DACT1: variants seen among roughly 807,000 people sequenced by gnomAD.
The protein encoded by DACT1 is dapper homolog 1.
Under a neutral mutation model 35.3 loss-of-function variants are expected in DACT1, and 19 were observed. The observed-to-expected ratio is 0.54, with a 90% CI of 0.38 to 0.79. The LOEUF is 0.79. DACT1 is among the 30% of genes least tolerant of loss of function. The pLI is 0.00. For missense variants in DACT1, 1,143 were observed against 1,057.5 expected, an observed-to-expected ratio of 1.08 and a Z score of -1.12; for synonymous variants, 545 against 466.7, an observed-to-expected ratio of 1.17 and a Z score of -2.16.
At position 58,638,471 on chromosome 14, in the gene DACT1, TG is replaced by T. The variant is rs2140211236; in HGVS notation, c.274del (p.Glu92ArgfsTer20). 7.4e-7 allele frequency: 1 copy of T among 1,357,974 alleles called. No homozygotes were observed. The allele number at this position is 1,357,974 out of a possible 1,614,324, so 84.1% of individuals were successfully genotyped here. ...GCTGCGCCCCGCGCTGGGGAGCTAC[TG>T]GGGGAGGCGGCGCAGCGCAGTCGCC... ...GAAAPRAGEL[L>X]GEAAQRSRLE... On this transcript the variant is annotated frameshift_variant, in exon 1 of 4. Transcript: ENST00000395153. LOFTEE classifies it high-confidence loss of function.
rs1038272750 is a variant in DACT1 at position 58,647,219 on chromosome 14, G to A, written c.*85G>A. ...TTAAAAAGGTGGTGTTTTCATTTTT[G>A]TATAATACTTTAATGGAATGCTTTT... On this transcript the variant is annotated 3_prime_UTR_variant, in exon 4 of 4. Coordinates refer to ENST00000395153, the MANE Select transcript of DACT1 (RefSeq NM_001079520.2). 6.2e-6 allele frequency: 9 copies of A among 1,459,554 alleles called. No homozygotes were observed. The African/African-American group carries it at 8.6e-5, about 14-fold the overall frequency. The allele number at this position is 1,459,554 out of a possible 1,614,324, so 90.4% of individuals were successfully genotyped here.
rs1192106897 is a variant in DACT1, at chr14:58,646,001, TCGCAAGAAC to T, written c.1268_1276del (p.Ser423_His426delinsTyr). The T allele has an allele frequency of 1.2e-6, 2 of 1,614,028 alleles. No homozygotes were observed. Among genetic ancestry groups the T allele is most frequent in the Non-Finnish European group, 1.7e-6 (2 of 1,180,016 alleles). On this transcript the variant is annotated inframe_deletion, in exon 4 of 4. Coordinates refer to ENST00000395153, the MANE Select transcript of DACT1 (RefSeq NM_001079520.2). ...CCTGCCAAAAACGGCCAAGCCAGCC[TCGCAAGAAC>T]ATGCTCGGTGTTCCGCCATTGGGAC...
At position 58,638,410 on chromosome 14, in the gene DACT1, A is replaced by T. The variant is rs2140211106; in HGVS notation, c.208A>T (p.Arg70Trp). 1 of 1,305,526 alleles carries T rather than the reference A, an allele frequency of 7.7e-7. No individual in the cohort carries two copies. Among genetic ancestry groups the T allele is most frequent in the African/African-American group, 1.5e-5 (1 of 65,470 alleles). 80.9% of individuals were successfully genotyped at this position (1,305,526 alleles called of 1,614,324 possible). ...GCGCCAGCGCCAAGAGCTGCTGGTC[A>T]GGGGCGCCCTGCGCGGCGCCGGGGG... ...YLRQRQELLV[R>W]GALRGAGGAG... Residue 70 changes from arginine (R) to tryptophan (W), a missense_variant, in exon 1 of 4, where the codon AGG (arginine) becomes TGG (tryptophan). This residue lies in a region of DACT1 where 1,054 missense variants were observed against 958.8 expected (regional missense o/e 1.10). Coordinates refer to ENST00000395153, the MANE Select transcript of DACT1 (RefSeq NM_001079520.2).
intron 1 of DACT1, 27 bp downstream of exon 1, chr14:58,638,574 G>C (rs1437500255): frequency 4.5e-6 from 6 of 1,320,268 alleles, no homozygotes; most frequent in Non-Finnish European, 4.9e-6. Context: ...GGTGGAGCAC[G>C]GCTGTTCCTG....
Position 58,646,058 on chromosome 14 carries a change from G to T in DACT1, c.1324G>T (p.Ala442Ser), listed in dbSNP as rs2047675998. 3 of 1,613,832 alleles carry T rather than the reference G, an allele frequency of 1.9e-6. No individual in the cohort carries two copies. Among genetic ancestry groups the T allele is most frequent in the Admixed American group, 3.3e-5 (2 of 59,994 alleles). The change falls in exon 4 of 4, where the codon GCT (alanine) becomes TCT (serine). Residue 442 changes from alanine to serine, a missense_variant. Ala to Ser is a moderately conservative substitution (Grantham distance 99). This residue lies in a region of DACT1 where 1,054 missense variants were observed against 958.8 expected (regional missense o/e 1.10). Transcript: ENST00000395153. The stretch of plus-strand genomic sequence containing the variant: ...GACAGGGGAGTCCCCTAAGGAAAGC[G>T]CTCAGCTCTCAGGGGCCTCTCCAAA... ...IGTGESPKES[A>S]QLSGASPKES...
At chr14:58,643,293 G>A (rs873483) in intron 3 of DACT1, among the ~76,000 whole-genome samples, 10,970 of 152,248 alleles carry the variant, frequency 0.072, 505 homozygotes, top group Non-Finnish European at 0.1. Context: ...CCTTAGTCCT[G>A]TTACATTGTG....
rs867054196 is a variant in DACT1, at chr14:58,645,706, C to T, written c.972C>T (p.Ser324=). The T allele has an allele frequency of 7.4e-6, 12 of 1,614,112 alleles. No homozygotes were observed. The highest frequency in any genetic ancestry group is 3.3e-4 in the Middle Eastern group (2 of 6,084). ...HPVRTNKPRT[S]VNADPTKGLL... ...TAAGGACCAACAAACCAAGAACCAGCGTGAACGCTGACCCCACGAAAGGGC... is the reference window on the plus strand; with the variant it reads ...TAAGGACCAACAAACCAAGAACCAGTGTGAACGCTGACCCCACGAAAGGGC... The change falls in exon 4 of 4, where the codon AGC becomes AGT. Residue 324 remains serine, a synonymous_variant. Transcript: ENST00000395153.
chr14:58,639,188 C>T (rs2047604825), intron 1 of DACT1: 3 of 984,512 alleles, frequency 3.0e-6, no homozygotes, highest in East Asian at 1.1e-4. Context: ...AGACTGTGTC[C>T]CCTCCTCTCA....
intron 3 of DACT1, among the ~76,000 whole-genome samples, chr14:58,643,139 G>A (rs1228886788): frequency 6.6e-6 from 1 of 152,206 alleles, no homozygotes; most frequent in African/African-American, 2.4e-5. Flanking sequence ...CCAGGTCCAC[G>A]TTTTTCATCA....
chr14:58,639,981 C>T (rs1310922650), intron 1 of DACT1, among the ~76,000 whole-genome samples: 2 of 152,244 alleles, frequency 1.3e-5, no homozygotes, highest in African/African-American at 4.8e-5. Context: ...AAGAGAATTC[C>T]AGTCCAGTCA....
In DACT1 at chr14:58,645,270, T is replaced by G. The variant is rs148187532; in HGVS notation, c.635-99T>G. 5.8e-5 allele frequency: 94 copies of G among 1,613,702 alleles called. No homozygotes were observed. In the African/African-American group the frequency reaches 1.2e-3, roughly 21 times the overall value. On this transcript the variant is annotated intron_variant, in intron 3 of 3. Transcript: ENST00000395153. ...AACTGTTTTTCAGATCTCATAGGAT[T>G]GTTGGAATATAAAGAAGGCCACTGT...
chr14:58,647,714 C>G lies in DACT1; in HGVS notation c.*580C>G, dbSNP rs1021901359. 1 of 167,502 alleles carries G rather than the reference C, an allele frequency of 6.0e-6. No homozygotes were observed. Among genetic ancestry groups the G allele is most frequent in the East Asian group, 1.9e-4 (1 of 5,232 alleles). The allele number at this position is 167,502 out of a possible 1,614,324, so 10.4% of individuals were successfully genotyped here. ...TGACTTGGAGGCCAAACCTTAAATC[C>G]AGAGATAGCAGCCTCGATAGGGACC... On this transcript the variant is annotated 3_prime_UTR_variant, in exon 4 of 4. Transcript: ENST00000395153.
rs772058120 is a variant in DACT1, at chr14:58,645,703, C to T, written c.969C>T (p.Thr323=). ...THPVRTNKPR[T]SVNADPTKGL... ...CTGTAAGGACCAACAAACCAAGAAC[C>T]AGCGTGAACGCTGACCCCACGAAAG... is the stretch of plus-strand genomic sequence containing the variant. Residue 323 remains threonine, a synonymous_variant, in exon 4 of 4, where the codon ACC becomes ACT. Coordinates refer to ENST00000395153, the MANE Select transcript of DACT1 (RefSeq NM_001079520.2). 14 of 1,614,126 alleles carry T rather than the reference C, an allele frequency of 8.7e-6. 1 individual carries two copies. In the South Asian group the frequency reaches 1.4e-4, roughly 16 times the overall value.
rs938169645 is a variant in DACT1, at chr14:58,646,756, G to GCCCTACGCCAGC, written c.2032_2043dup (p.Ser678_Ala681dup). The GCCCTACGCCAGC allele has an allele frequency of 1.2e-6, 2 of 1,614,012 alleles. No individual in the cohort carries two copies. The highest frequency in any genetic ancestry group is 4.5e-5 in the East Asian group (2 of 44,870). ...GGCTGTACCCCGCGCCTGTGCCTCTGCCCTACGCCAGCCCCTACGCCTACG... is the reference window on the plus strand; with the variant it reads ...GGCTGTACCCCGCGCCTGTGCCTCTGCCCTACGCCAGCCCCTACGCCAGCCCCTACGCCTACG... On this transcript the variant is annotated inframe_insertion, in exon 4 of 4. Coordinates refer to ENST00000395153, the MANE Select transcript of DACT1 (RefSeq NM_001079520.2).
In DACT1 at chr14:58,646,710, G is replaced by T. The variant is rs773256045; in HGVS notation, c.1976G>T (p.Arg659Leu). 1 of 1,613,298 alleles carries T rather than the reference G, an allele frequency of 6.2e-7. No homozygotes were observed. The highest frequency in any genetic ancestry group is 8.5e-7 in the Non-Finnish European group (1 of 1,179,938). ...GAAGAGGCCCTGAGGAGGGCCCGGCGCGGTCGCCGGGAGAATGTGGGGCTG... is the reference window on the plus strand; with the variant it reads ...GAAGAGGCCCTGAGGAGGGCCCGGCTCGGTCGCCGGGAGAATGTGGGGCTG... ...SYEEALRRAR[R>L]GRRENVGLYP... Residue 659 changes from arginine (R) to leucine (L), a missense_variant, in exon 4 of 4, where the codon CGC becomes CTC. Physicochemically the swap from Arg to Leu is moderately radical, Grantham distance 102. Around this residue, in one of 3 missense-constraint regions of DACT1, gnomAD observed 1,054 missense variants for 958.8 expected, o/e 1.10. Transcript: ENST00000395153.
chr14:58,647,427 G>A lies in DACT1; in HGVS notation c.*293G>A, dbSNP rs773574251. ...TTAAACTTTCTGAGCATCCGGCAAG[G>A]TACAGGTTTTGATGTTCAAGTTTTA... On this transcript the variant is annotated 3_prime_UTR_variant, in exon 4 of 4. Transcript: ENST00000395153. The A allele has an allele frequency of 2.6e-5, 10 of 384,578 alleles. No homozygotes were observed. The highest frequency in any genetic ancestry group is 3.9e-5 in the Non-Finnish European group (8 of 206,174). 23.8% of individuals were successfully genotyped at this position (384,578 alleles called of 1,614,324 possible).
chr14:58,646,634 C>A lies in DACT1; in HGVS notation c.1900C>A (p.His634Asn). 6.2e-7 allele frequency: 1 copy of A among 1,611,156 alleles called. No individual in the cohort carries two copies. The highest frequency in any genetic ancestry group is 8.5e-7 in the Non-Finnish European group (1 of 1,179,080). Residue 634 changes from histidine to asparagine, a missense_variant, in exon 4 of 4, where the codon CAC becomes AAC. Transcript: ENST00000395153. ...GREAVVAKPKHKRTDYRRWKS... is the reference protein window; with the variant it reads ...GREAVVAKPKNKRTDYRRWKS... ...GGAGGCGGTGGTGGCCAAACCTAAG[C>A]ACAAGCGAACTGACTACCGGCGGTG...
Position 58,641,754 on chromosome 14 carries a change from A to AT in DACT1, c.634+12dup. The AT allele has an allele frequency of 1.2e-6, 2 of 1,612,636 alleles. No individual in the cohort carries two copies. Among genetic ancestry groups the AT allele is most frequent in the Non-Finnish European group, 1.7e-6 (2 of 1,179,646 alleles). ...GGTTGCCCCAAATCTGCAGGTAAGAATTTTTAGCACTGATAGAAATTTTTA... is the reference window on the plus strand; with the variant it reads ...GGTTGCCCCAAATCTGCAGGTAAGAATTTTTTAGCACTGATAGAAATTTTTA... On this transcript the variant is annotated splice_region_variant and intron_variant, in intron 3 of 3. Coordinates refer to ENST00000395153, the MANE Select transcript of DACT1 (RefSeq NM_001079520.2).
chr14:58,638,677 G>GC, intron 1 of DACT1, 130 bp downstream of exon 1: 1 of 1,208,390 alleles, frequency 8.3e-7, no homozygotes, highest in Non-Finnish European at 1.0e-6. Flanking sequence ...GCCCCCGACC[G>GC]CCCCATACCT....
Sources: gnomAD v4.1 joint callset for allele counts (sites outside exome capture counted in the v4.1 genomes callset) on GRCh38, gnomAD v4.1.1 for gene constraint, gnomAD v4.1.1 regional missense constraint, MANE v1.5 for transcripts, NCBI Gene and HGNC (gene_info 2026-07-23, HGNC 2026-07-21) for gene names.